Variants in CPLANE1 observed in about 807,000 individuals in gnomAD.
CPLANE1 encodes ciliogenesis and planar polarity effector 1.
A neutral mutation model predicts 362.5 loss-of-function variants in CPLANE1; 263 were observed. The observed-to-expected ratio is 0.73, with a 90% CI of 0.66 to 0.80. The LOEUF is 0.80. Ranked by LOEUF, CPLANE1 falls within the 30% of genes least tolerant of loss-of-function variation. The pLI, the probability that CPLANE1 is intolerant of heterozygous loss-of-function variation, is 0.00. For missense variants in CPLANE1, 3,461 were observed against 3,793.4 expected (o/e 0.91, Z 2.30); for synonymous variants, 1,212 against 1,302.6 (o/e 0.93, Z 1.50).
chr5:37,142,142 T>C (rs1769934425), intron 44 of CPLANE1, 168 bp downstream of exon 44: 2 of 1,221,370 alleles, frequency 1.6e-6, no homozygotes, highest in African/African-American at 1.6e-5. Context: ...TGACAAGATG[T>C]CACAGTTCTT....
At chr5:37,203,333 T>C (rs1181189605) in intron 18 of CPLANE1, among the ~76,000 whole-genome samples, 1 of 152,208 alleles carries the variant, frequency 6.6e-6, no homozygotes, top group Non-Finnish European at 1.5e-5. Context: ...CCATGACGGT[T>C]CTGTGATTCA....
chr5:37,096,263 C>T, the CPLANE1 span, among the ~76,000 whole-genome samples: 1 of 152,090 alleles, frequency 6.6e-6, no homozygotes, highest in East Asian at 1.9e-4. Context: ...ATACTTACAG[C>T]CAAGTGATCT....
At chr5:37,210,225 C>A (rs574104413) in intron 16 of CPLANE1, 2 of 1,599,988 alleles carry the variant, frequency 1.3e-6, no homozygotes, top group East Asian at 4.5e-5. Flanking sequence ...TCAAAGGCAA[C>A]TTTTACTAAA....
chr5:37,217,588 C>A (rs1448606525), intron 15 of CPLANE1, among the ~76,000 whole-genome samples: 1 of 150,500 alleles, frequency 6.6e-6, no homozygotes, highest in Non-Finnish European at 1.5e-5. Context: ...GCCTGGGCGA[C>A]AGAGCGAGAC....
intron 16 of CPLANE1, among the ~76,000 whole-genome samples, chr5:37,212,985 G>C (rs571334154): frequency 8.9e-4 from 135 of 152,344 alleles, no homozygotes; most frequent in African/African-American, 3.1e-3. Context: ...AAGGCAGGTG[G>C]ATCACCTGAG....
At chr5:37,174,656 AG>A (rs1780670011) in intron 31 of CPLANE1, among the ~76,000 whole-genome samples, 1 of 152,180 alleles carries the variant, frequency 6.6e-6, no homozygotes. Context: ...AAACTAAGCA[AG>A]GGAGCAGGCA....
intron 15 of CPLANE1, among the ~76,000 whole-genome samples, chr5:37,214,670 C>A (rs1793544619): frequency 6.6e-6 from 1 of 152,210 alleles, no homozygotes; most frequent in Non-Finnish European, 1.5e-5. Flanking sequence ...TCAAGTGTTG[C>A]AAGTATTTGC....
At chr5:37,087,625 T>G in the CPLANE1 span, among the ~76,000 whole-genome samples, 1 of 151,972 alleles carries the variant, frequency 6.6e-6, no homozygotes, top group Non-Finnish European at 1.5e-5. Flanking sequence ...CCCGGCTAAT[T>G]TTTTGTATTT....
At chr5:37,219,056 A>C (rs183711527) in intron 15 of CPLANE1, among the ~76,000 whole-genome samples, 1 of 152,010 alleles carries the variant, frequency 6.6e-6, no homozygotes, top group South Asian at 2.1e-4. Flanking sequence ...AATAAAGACT[A>C]TCCTGTCATT....
rs184573821 is a variant in CPLANE1, at chr5:37,116,065, T to C, written c.9311-1016A>G. On this transcript the variant is annotated intron_variant, in intron 50 of 52. Transcript: ENST00000651892. ...ACTTTGGGAGGCCAACATGGGAAGA[T>C]TGCTTGAGCCCAGGAGTTTGAGAAC... 3.5e-3 allele frequency among the ~76,000 whole-genome samples: 530 copies of C among 151,858 alleles called. 2 individuals are homozygous for C. The highest frequency in any genetic ancestry group is 0.012 in the African/African-American group (506 of 41,458).
At position 37,195,888 on chromosome 5, in the gene CPLANE1, T is replaced by G; in HGVS notation, c.3781A>C (p.Lys1261Gln). Reference protein sequence around the residue: ...FFRPGAAGDHKLDEVSIRAIG... With the variant: ...FFRPGAAGDHQLDEVSIRAIG... ...GCTCTAATGGAAACTTCATCAAGCTTGTGGTCTCCAGCTGCTCCAGGTCTA... is the reference window on the plus strand; with the variant it reads ...GCTCTAATGGAAACTTCATCAAGCTGGTGGTCTCCAGCTGCTCCAGGTCTA... The change falls in exon 21 of 53, where the codon AAG (lysine) becomes CAG (glutamine). Residue 1261 changes from lysine (K) to glutamine (Q), a missense_variant. By Grantham distance (53) the Lys-to-Gln change is moderately conservative (BLOSUM62 1). This residue lies in a region of CPLANE1 where 3,380 missense variants were observed against 3,666.1 expected (regional missense o/e 0.92). Coordinates refer to ENST00000651892, the MANE Select transcript of CPLANE1 (RefSeq NM_001384732.1). The G allele has an allele frequency of 6.2e-7, 1 of 1,612,596 alleles. No homozygotes were observed. The highest frequency in any genetic ancestry group is 1.1e-5 in the South Asian group (1 of 90,816).
chr5:37,144,223 C>G (rs1451720813), intron 43 of CPLANE1, among the ~76,000 whole-genome samples: 1 of 150,062 alleles, frequency 6.7e-6, no homozygotes, highest in Non-Finnish European at 1.5e-5. Flanking sequence ...TCCTGGTTAA[C>G]ACGGTGAAAA....
intron 50 of CPLANE1, among the ~76,000 whole-genome samples, chr5:37,116,728 T>C (rs1361023716): frequency 2.0e-5 from 3 of 152,142 alleles, no homozygotes; most frequent in Admixed American, 6.6e-5. Flanking sequence ...CTCCCAAGCA[T>C]ATTCAGAAAA....
At chr5:37,247,797 CATTTT>C in intron 1 of CPLANE1, 52 bp from the exon 2 acceptor site, 18 of 1,175,892 alleles carry the variant, frequency 1.5e-5, no homozygotes, top group Non-Finnish European at 1.5e-5. Flanking sequence ...ATTCACTGGG[CATTTT>C]TTTTTTTTTT....
chr5:37,140,372 C>T, intron 44 of CPLANE1: 1 of 982,536 alleles, frequency 1.0e-6, no homozygotes, highest in Non-Finnish European at 1.2e-6. Flanking sequence ...TTATTAACCT[C>T]CAAATCAAGG....
intron 16 of CPLANE1, among the ~76,000 whole-genome samples, chr5:37,208,126 T>G (rs902013949): frequency 2.0e-5 from 3 of 152,170 alleles, no homozygotes; most frequent in Non-Finnish European, 2.9e-5. Flanking sequence ...ATTTTTGTAT[T>G]TTTTGTAGAG....
the CPLANE1 span, among the ~76,000 whole-genome samples, chr5:37,095,278 TATATGC>T: frequency 6.6e-6 from 1 of 152,180 alleles, no homozygotes. Context: ...GGTGGTTTAA[TATATGC>T]AAGTCAATAA....
Position 37,168,962 on chromosome 5 carries a change from G to A in CPLANE1, c.7062C>T (p.His2354=). ...VKPGTLEISP[H]HSFGLPLLYL... ...ATAGTAACGGAAGTCCAAAGGAATG[G>A]TGAGGAGATATCTCAAGGGTCCCTG... Residue 2354 remains histidine, a synonymous_variant, in exon 34 of 53, where the codon CAC becomes CAT. Transcript: ENST00000651892. 1 of 1,614,140 alleles carries A rather than the reference G, an allele frequency of 6.2e-7. No individual in the cohort carries two copies. Among genetic ancestry groups the A allele is most frequent in the Non-Finnish European group, 8.5e-7 (1 of 1,180,028 alleles).
chr5:37,125,362 C>CT lies in CPLANE1; in HGVS notation c.8839dup (p.Arg2947LysfsTer22), dbSNP rs1763845430. The CT allele has an allele frequency of 1.2e-6, 2 of 1,613,808 alleles. No homozygotes were observed. The highest frequency in any genetic ancestry group is 8.5e-7 in the Non-Finnish European group (1 of 1,179,936). ...TTTCATCCAGGCTTGAATCTCTCTT[C>CT]TTTCCTTGTCAGTTCTTTGTGAATG... On this transcript the variant is annotated frameshift_variant, in exon 47 of 53. Transcript: ENST00000651892. LOFTEE classifies it high-confidence loss of function.
Sources: allele counts gnomAD v4.1 joint callset (sites outside exome capture counted in the v4.1 genomes callset), GRCh38; gene constraint gnomAD v4.1.1; regional missense constraint gnomAD v4.1.1; transcripts MANE v1.5; gene names NCBI Gene and HGNC (gene_info 2026-07-23, HGNC 2026-07-21).